Variants in FBXL13 observed in about 807,000 individuals in gnomAD.
FBXL13 encodes the protein F-box and leucine rich repeat protein 13.
FBXL13 carries 67 observed loss-of-function variants against 83.6 expected under a neutral mutation model. The observed-to-expected ratio is 0.80, with a 90% CI of 0.66 to 0.98. FBXL13 has a LOEUF of 0.98. Among genes scored for constraint, FBXL13 ranks in the 50% least tolerant of loss-of-function variants. The probability of loss-of-function intolerance (pLI) is 0.00; values close to 1 mark genes in which losing one functional copy is unlikely to be tolerated. For missense variants in FBXL13, 822 were observed against 866.5 expected (o/e 0.95, Z 0.64); for synonymous variants, 272 against 299.5 (o/e 0.91, Z 0.95).
intron 17 of FBXL13, among the ~76,000 whole-genome samples, chr7:102,847,664 C>G (rs1283811560): frequency 6.6e-6 from 1 of 151,882 alleles, no homozygotes; most frequent in Non-Finnish European, 1.5e-5. Flanking sequence ...GTAGCTGGGA[C>G]TAGAGGTGTG....
chr7:102,919,800 T>C (rs941537810), intron 10 of FBXL13, among the ~76,000 whole-genome samples: 2 of 152,344 alleles, frequency 1.3e-5, no homozygotes, highest in Admixed American at 1.3e-4. Flanking sequence ...TATCTGACTC[T>C]CATGCATCTT....
intron 6 of FBXL13, among the ~76,000 whole-genome samples, chr7:102,977,371 G>A (rs1827624109): frequency 1.3e-5 from 2 of 152,216 alleles, no homozygotes. Flanking sequence ...GGTGGAGTCT[G>A]TGGTAACTTT....
intron 16 of FBXL13, among the ~76,000 whole-genome samples, chr7:102,855,967 T>A (rs1356372852): frequency 6.6e-6 from 1 of 152,124 alleles, no homozygotes; most frequent in Non-Finnish European, 1.5e-5. Context: ...GATTTCTAAT[T>A]TCTTTTAATG....
chr7:102,978,161 G>A (rs1014274530), intron 6 of FBXL13, among the ~76,000 whole-genome samples: 9 of 152,158 alleles, frequency 5.9e-5, no homozygotes, highest in Non-Finnish European at 1.0e-4. Context: ...CAATGCTCCT[G>A]CTACAATGAC....
chr7:102,944,446 G>A, intron 8 of FBXL13: 1 of 1,614,078 alleles, frequency 6.2e-7, no homozygotes, highest in Non-Finnish European at 8.5e-7. Flanking sequence ...AGGATGGTCT[G>A]TGGGAAAATA....
At chr7:103,009,819 C>A (rs1791405096) in intron 6 of FBXL13, among the ~76,000 whole-genome samples, 1 of 152,254 alleles carries the variant, frequency 6.6e-6, no homozygotes, top group African/African-American at 2.4e-5. Flanking sequence ...CGGTGGGCAA[C>A]ACTTGCTAGA....
chr7:102,944,556 T>TA (rs762696887), intron 8 of FBXL13: 2 of 1,613,170 alleles, frequency 1.2e-6, no homozygotes, highest in South Asian at 2.2e-5. Flanking sequence ...AAAAAAAACA[T>TA]AGAGATCACA....
chr7:102,814,678 C>T (rs1797750653), intron 19 of FBXL13, among the ~76,000 whole-genome samples: 1 of 152,172 alleles, frequency 6.6e-6, no homozygotes, highest in African/African-American at 2.4e-5. Flanking sequence ...TTATCATATA[C>T]TAATTCCTAG....
At chr7:102,834,085 GAA>G (rs374592767) in intron 17 of FBXL13, among the ~76,000 whole-genome samples, 2,518 of 78,796 alleles carry the variant, frequency 0.032, 65 homozygotes, top group African/African-American at 0.056. Context: ...AGGAAGGAAA[GAA>G]AAGAAAGAAA....
At chr7:103,062,025 C>CAAAAAAAAAAAAAAAAAAAA (rs59881447) in intron 1 of FBXL13, among the ~76,000 whole-genome samples, 1 of 99,798 alleles carries the variant, frequency 1.0e-5, no homozygotes, top group Non-Finnish European at 1.9e-5. Flanking sequence ...TCATAATTAC[C>CAAAAAAAAAAAAAAAAAAAA]AAAAAAAAAA....
intron 14 of FBXL13, among the ~76,000 whole-genome samples, chr7:102,881,364 C>T (rs1199940703): frequency 2.1e-5 from 3 of 141,670 alleles, no homozygotes; most frequent in African/African-American, 8.0e-5. Context: ...TTGAACCCAA[C>T]AGGCAGAGGT....
At chr7:103,020,051 T>A (rs948945675) in intron 6 of FBXL13, among the ~76,000 whole-genome samples, 5 of 152,200 alleles carry the variant, frequency 3.3e-5, no homozygotes, top group Non-Finnish European at 7.3e-5. Context: ...ATATCCCTGA[T>A]GAATATCCAT....
At chr7:103,058,166 C>A (rs1390688750) in intron 1 of FBXL13, among the ~76,000 whole-genome samples, 1 of 152,146 alleles carries the variant, frequency 6.6e-6, no homozygotes, top group African/African-American at 2.4e-5. Context: ...GCTCCATGCT[C>A]CTCTTCTTAG....
intron 11 of FBXL13, among the ~76,000 whole-genome samples, chr7:102,895,777 A>G (rs1209717093): frequency 1.3e-5 from 2 of 152,226 alleles, no homozygotes; most frequent in African/African-American, 4.8e-5. Flanking sequence ...TTTCTCATGT[A>G]CAAGTAGGAT....
At chr7:103,006,954 C>T (rs1435617129) in intron 6 of FBXL13, among the ~76,000 whole-genome samples, 2 of 152,046 alleles carry the variant, frequency 1.3e-5, no homozygotes, top group East Asian at 3.8e-4. Flanking sequence ...TAAAAGTTCA[C>T]TGGAAGAGCC....
chr7:102,864,253 A>G lies in FBXL13; in HGVS notation c.1636-9393T>C, dbSNP rs577478497. ...CACTGAGTTATCTGTGAATCCCAAC[A>G]CATAACCCTCCTTATGCCTCCAGGC... On this transcript the variant is annotated intron_variant, in intron 16 of 19. Transcript: ENST00000313221. 6.3e-4 allele frequency among the ~76,000 whole-genome samples: 96 copies of G among 152,184 alleles called. 3 individuals carry two copies. In the South Asian group the frequency reaches 0.019, roughly 30 times the overall value.
At chr7:102,826,603 G>C (rs1190499648) in intron 18 of FBXL13, among the ~76,000 whole-genome samples, 1 of 150,034 alleles carries the variant, frequency 6.7e-6, no homozygotes, top group African/African-American at 2.4e-5. Context: ...GGGTATGCTA[G>C]TAGTCCAGCT....
intron 2 of FBXL13, among the ~76,000 whole-genome samples, chr7:103,042,806 T>C (rs926802848): frequency 7.2e-5 from 11 of 152,108 alleles, no homozygotes; most frequent in Non-Finnish European, 1.3e-4. Context: ...TTACACCATA[T>C]ACAAAAATTA....
intron 8 of FBXL13, among the ~76,000 whole-genome samples, chr7:102,946,760 C>T (rs1480130058): frequency 2.0e-5 from 3 of 151,822 alleles, no homozygotes; most frequent in Non-Finnish European, 4.4e-5. Flanking sequence ...CTGTAGCCTT[C>T]GCCTCCTGGG....
Sources: allele counts gnomAD v4.1 joint callset (sites outside exome capture counted in the v4.1 genomes callset), GRCh38; gene constraint gnomAD v4.1.1; transcripts MANE v1.5; gene names NCBI Gene and HGNC (gene_info 2026-07-23, HGNC 2026-07-21).